The following TENM3 variants were observed in gnomAD, a reference collection of about 807,000 sequenced individuals.
The protein encoded by TENM3 is teneurin-3.
Under a neutral mutation model 255.1 loss-of-function variants are expected in TENM3, and 63 were observed. The ratio of observed to expected loss-of-function variants is 0.25; its 90% CI spans 0.20 to 0.30. The LOEUF (loss-of-function observed/expected upper bound fraction) is 0.30, where lower values mean the gene tolerates loss of function less well. Among genes scored for constraint, TENM3 ranks in the 10% least tolerant of loss-of-function variants. The probability of loss-of-function intolerance (pLI) is 1.00; values close to 1 mark genes in which losing one functional copy is unlikely to be tolerated. For synonymous variants in TENM3, 1,306 were observed against 1,322.3 expected, an observed-to-expected ratio of 0.99 and a Z score of 0.27; for missense variants, 2,929 against 3,461.1, an observed-to-expected ratio of 0.85 and a Z score of 3.86.
intron 3 of TENM3, among the ~76,000 whole-genome samples, chr4:182,559,263 A>G (rs763512093): frequency 6.6e-6 from 1 of 151,860 alleles, no homozygotes. Flanking sequence ...TGAGAACAGT[A>G]CAATGCTCAG....
chr4:181,588,338 C>T, the TENM3 span, among the ~76,000 whole-genome samples: 1 of 152,138 alleles, frequency 6.6e-6, no homozygotes, highest in African/African-American at 2.4e-5. Context: ...TGAAAGGATT[C>T]GTTGACACCT....
chr4:181,648,582 C>T, the TENM3 span, among the ~76,000 whole-genome samples: 1 of 152,126 alleles, frequency 6.6e-6, no homozygotes, highest in Non-Finnish European at 1.5e-5. Flanking sequence ...GCTCTCTTTC[C>T]AATTTACAAA....
intron 3 of TENM3, among the ~76,000 whole-genome samples, chr4:182,591,252 A>C (rs1238918395): frequency 2.0e-5 from 3 of 152,140 alleles, no homozygotes; most frequent in Non-Finnish European, 4.4e-5. Context: ...AAAGAGAGAG[A>C]AAGAGAGAGA....
the TENM3 span, among the ~76,000 whole-genome samples, chr4:181,835,984 A>G: frequency 6.6e-6 from 1 of 152,134 alleles, no homozygotes; most frequent in African/African-American, 2.4e-5. Context: ...CTGTCTCCCT[A>G]TTCTGTACAG....
chr4:182,672,335 A>G (rs1035771200), intron 6 of TENM3, among the ~76,000 whole-genome samples: 1 of 152,200 alleles, frequency 6.6e-6, no homozygotes, highest in Admixed American at 6.5e-5. Flanking sequence ...TATGTCCACT[A>G]AGACTACAAG....
chr4:182,161,619 A>ATATG (rs1751200126), intron 1 of TENM3, among the ~76,000 whole-genome samples: 3 of 98,996 alleles, frequency 3.0e-5, no homozygotes, highest in Non-Finnish European at 5.7e-5. Context: ...ATATGTATAT[A>ATATG]TATATACAAA....
the TENM3 span, among the ~76,000 whole-genome samples, chr4:181,737,893 C>A: frequency 6.7e-6 from 1 of 149,522 alleles, no homozygotes; most frequent in African/African-American, 2.5e-5. Flanking sequence ...TTATCAGGCA[C>A]ACGAGATTGG....
chr4:182,240,836 A>G (rs1184497015), upstream of TENM3, among the ~76,000 whole-genome samples: 3 of 152,160 alleles, frequency 2.0e-5, no homozygotes, highest in Admixed American at 6.5e-5. Flanking sequence ...CCTGTTTGTC[A>G]TAGGATTACT....
At chr4:182,331,491 A>C (rs914290064) in intron 2 of TENM3, among the ~76,000 whole-genome samples, 20 of 152,082 alleles carry the variant, frequency 1.3e-4, no homozygotes, top group Non-Finnish European at 2.4e-4. Flanking sequence ...GGTTGTGGTG[A>C]GCCAAGATCA....
At chr4:182,088,529 A>G in the TENM3 span, among the ~76,000 whole-genome samples, 1 of 152,220 alleles carries the variant, frequency 6.6e-6, no homozygotes, top group Non-Finnish European at 1.5e-5. Flanking sequence ...ACAAGTGTCC[A>G]CTGCTTTAAA....
chr4:181,994,397 A>ATATTT, the TENM3 span, among the ~76,000 whole-genome samples: 4 of 152,182 alleles, frequency 2.6e-5, no homozygotes, highest in African/African-American at 9.6e-5. Context: ...TCTGTTATAC[A>ATATTT]TATTTTATTC....
At chr4:182,280,743 T>C (rs929857202) in intron 1 of TENM3, among the ~76,000 whole-genome samples, 4 of 152,154 alleles carry the variant, frequency 2.6e-5, no homozygotes, top group African/African-American at 9.7e-5. Flanking sequence ...ACTTGCCACT[T>C]CTCTGGGCAT....
At chr4:181,544,408 T>TAAAAAAAAAAAAAAAAAAAAAAAAAA in the TENM3 span, among the ~76,000 whole-genome samples, 8 of 68,670 alleles carry the variant, frequency 1.2e-4, 1 homozygote, top group Non-Finnish European at 1.6e-4. Context: ...CCTTCAGGAT[T>TAAAAAAAAAAAAAAAAAAAAAAAAAA]AAAAAAAAAA....
chr4:182,047,654 G>A, the TENM3 span, among the ~76,000 whole-genome samples: 1 of 151,608 alleles, frequency 6.6e-6, no homozygotes, highest in African/African-American at 2.4e-5. Context: ...GCACAGAGAT[G>A]GCTTTGAATA....
At chr4:182,278,331 C>A (rs958589000) in intron 1 of TENM3, among the ~76,000 whole-genome samples, 6 of 151,940 alleles carry the variant, frequency 3.9e-5, no homozygotes, top group African/African-American at 1.2e-4. Flanking sequence ...CTAGTCATTG[C>A]ACTCCAGCCT....
intron 22 of TENM3, among the ~76,000 whole-genome samples, chr4:182,765,161 G>C (rs1763590243): frequency 6.6e-6 from 1 of 152,096 alleles, no homozygotes; most frequent in Non-Finnish European, 1.5e-5. Context: ...TTGGAACTTA[G>C]AGGACAATTC....
the TENM3 span, among the ~76,000 whole-genome samples, chr4:181,460,071 C>T: frequency 3.8e-3 from 582 of 151,882 alleles, 4 homozygotes; most frequent in African/African-American, 0.013. Flanking sequence ...TCATGACATT[C>T]GTTGCTACTT....
the TENM3 span, among the ~76,000 whole-genome samples, chr4:181,690,623 C>T: frequency 6.6e-6 from 1 of 150,612 alleles, no homozygotes; most frequent in Admixed American, 6.7e-5. Context: ...CTCATTCAAA[C>T]CAGAGAGATT....
At chr4:182,262,443 G>T (rs926783855) in intron 1 of TENM3, among the ~76,000 whole-genome samples, 3 of 152,104 alleles carry the variant, frequency 2.0e-5, no homozygotes, top group Admixed American at 6.5e-5. Flanking sequence ...GATAAAACAG[G>T]TTGCAGTAAG....
Sources: allele counts gnomAD v4.1 joint callset (sites outside exome capture counted in the v4.1 genomes callset), GRCh38; gene constraint gnomAD v4.1.1; transcripts MANE v1.5; gene names NCBI Gene and HGNC (gene_info 2026-07-23, HGNC 2026-07-21).